The following MAP3K21 variants were observed in gnomAD, a reference collection of about 807,000 sequenced individuals.
The protein encoded by MAP3K21 is mitogen-activated protein kinase kinase kinase MLK4.
Under a neutral mutation model 86.1 loss-of-function variants are expected in MAP3K21, and 63 were observed. The observed-to-expected ratio is 0.73, with a 90% confidence interval of 0.60 to 0.90. The LOEUF (loss-of-function observed/expected upper bound fraction) is 0.90. Ranked by LOEUF, MAP3K21 falls within the 40% of genes least tolerant of loss-of-function variation. MAP3K21 has a pLI of 0.00. For missense variants in MAP3K21, 1,220 were observed against 1,367.7 expected (o/e 0.89, Z 1.70); for synonymous variants, 558 against 564.8 (o/e 0.99, Z 0.17).
chr1:233,367,927 T>G (rs1663610072), intron 5 of MAP3K21, among the ~76,000 whole-genome samples: 1 of 152,114 alleles, frequency 6.6e-6, no homozygotes, highest in African/African-American at 2.4e-5. Context: ...AGTGGAAGTA[T>G]TTAGGTGTTT....
At chr1:233,368,559 A>G (rs1294251) in intron 5 of MAP3K21, among the ~76,000 whole-genome samples, 120,678 of 152,008 alleles carry the variant, frequency 0.79, 48,037 homozygotes, top group East Asian at 1. Flanking sequence ...GAAGGCTGAG[A>G]CAGGAAAATT....
chr1:233,385,114 T>A lies in MAP3K21; in HGVS notation c.*2403T>A, dbSNP rs201791109. 1.3e-5 allele frequency: 2 copies of A among 152,266 alleles called. No individual in the cohort carries two copies. The highest frequency in any genetic ancestry group is 1.9e-4 in the East Asian group (1 of 5,200). 9.4% of individuals were successfully genotyped at this position (152,266 alleles called of 1,614,324 possible). On this transcript the variant is annotated 3_prime_UTR_variant, in exon 10 of 10. Transcript: ENST00000366624. Reference sequence around the variant, plus strand: ...TGTTTACATATGTTGTCTATTTTTTTAATAAACTTTTATAGCTGGTCTATT... The same window carrying A: ...TGTTTACATATGTTGTCTATTTTTTAAATAAACTTTTATAGCTGGTCTATT...
chr1:233,329,431 A>G (rs1183156866), intron 1 of MAP3K21, among the ~76,000 whole-genome samples: 1 of 152,130 alleles, frequency 6.6e-6, no homozygotes, highest in Non-Finnish European at 1.5e-5. Context: ...AGGTGGGCGG[A>G]TCACCTGAGG....
intron 2 of MAP3K21, among the ~76,000 whole-genome samples, chr1:233,353,248 A>G (rs1174417805): frequency 6.6e-6 from 1 of 152,178 alleles, no homozygotes; most frequent in East Asian, 1.9e-4. Flanking sequence ...TCTGTTCTTT[A>G]CTGTTCAGCA....
rs764234299 is a variant in MAP3K21, at chr1:233,362,081, C to T, written c.1340C>T (p.Thr447Ile). ...KELRSREEEL[T>I]RAALQQKSQE... ...CTGCGATCCCGGGAAGAGGAGCTGA[C>T]TCGGGCGGCTCTGCAGCAGAAGTCT... The change falls in exon 5 of 10, where the codon ACT becomes ATT. Residue 447 changes from threonine to isoleucine, a missense_variant. Physicochemically the swap from Thr to Ile is moderately conservative, Grantham distance 89 (BLOSUM62 -1). This residue lies in a region of MAP3K21 where 126 missense variants were observed against 127.7 expected (regional missense o/e 0.99). Transcript: ENST00000366624. 3.1e-6 allele frequency: 5 copies of T among 1,612,838 alleles called. No individual in the cohort carries two copies. Among genetic ancestry groups the T allele is most frequent in the Non-Finnish European group, 4.2e-6 (5 of 1,179,448 alleles).
chr1:233,384,634 T>G lies in MAP3K21; in HGVS notation c.*1923T>G, dbSNP rs977041578. 3.9e-5 allele frequency: 6 copies of G among 152,196 alleles called. No individual in the cohort carries two copies. The highest frequency in any genetic ancestry group is 1.4e-4 in the African/African-American group (6 of 41,450). The allele number at this position is 152,196 out of a possible 1,614,324, so 9.4% of individuals were successfully genotyped here. ...AGGATGGAAACTATGTCCTCAGTTTTACTTCTACCAAAACATCCCTGTATG... is the reference window on the plus strand; with the variant it reads ...AGGATGGAAACTATGTCCTCAGTTTGACTTCTACCAAAACATCCCTGTATG... On this transcript the variant is annotated 3_prime_UTR_variant, in exon 10 of 10. Coordinates refer to ENST00000366624, the MANE Select transcript of MAP3K21 (RefSeq NM_032435.3).
At chr1:233,330,432 T>A (rs1178864407) in intron 1 of MAP3K21, among the ~76,000 whole-genome samples, 1 of 152,206 alleles carries the variant, frequency 6.6e-6, no homozygotes, top group Non-Finnish European at 1.5e-5. Context: ...TTTCTTTCGA[T>A]AATATATATA....
At chr1:233,347,570 A>C (rs6664661) in intron 2 of MAP3K21, among the ~76,000 whole-genome samples, 4 of 152,314 alleles carry the variant, frequency 2.6e-5, no homozygotes, top group Non-Finnish European at 5.9e-5. Flanking sequence ...GAGTGGAATC[A>C]CGTCCTTTGC....
intron 2 of MAP3K21, among the ~76,000 whole-genome samples, chr1:233,349,156 G>A (rs915515669): frequency 3.3e-5 from 5 of 152,150 alleles, no homozygotes; most frequent in African/African-American, 1.2e-4. Context: ...CTGTCTACTG[G>A]TGAAGGCTGA....
chr1:233,338,973 A>G (rs1368583790), intron 1 of MAP3K21, among the ~76,000 whole-genome samples: 3 of 152,216 alleles, frequency 2.0e-5, no homozygotes, highest in Non-Finnish European at 4.4e-5. Flanking sequence ...TAAATAAGAA[A>G]AAACTAGACA....
chr1:233,350,160 AC>A (rs1296308145), intron 2 of MAP3K21, among the ~76,000 whole-genome samples: 1 of 152,134 alleles, frequency 6.6e-6, no homozygotes, highest in Non-Finnish European at 1.5e-5. Context: ...TCTCTAGATT[AC>A]TTATTATTAC....
At chr1:233,345,991 A>G (rs983812780) in intron 1 of MAP3K21, among the ~76,000 whole-genome samples, 1 of 152,202 alleles carries the variant, frequency 6.6e-6, no homozygotes, top group Non-Finnish European at 1.5e-5. Context: ...ATCTATAAGC[A>G]CTTTGCAAAT....
intron 4 of MAP3K21, among the ~76,000 whole-genome samples, chr1:233,358,175 A>AC (rs1663400509): frequency 6.6e-6 from 1 of 151,530 alleles, no homozygotes; most frequent in Non-Finnish European, 1.5e-5. Context: ...TGTGTCCCTC[A>AC]GGGCTTGGGC....
intron 5 of MAP3K21, among the ~76,000 whole-genome samples, chr1:233,370,848 G>A (rs558155526): frequency 2.6e-5 from 4 of 152,230 alleles, no homozygotes; most frequent in South Asian, 4.2e-4. Context: ...TTCTCCAGAC[G>A]GAAGTTATTT....
chr1:233,364,987 C>T (rs1273214142), intron 5 of MAP3K21, among the ~76,000 whole-genome samples: 1 of 152,074 alleles, frequency 6.6e-6, no homozygotes, highest in Non-Finnish European at 1.5e-5. Flanking sequence ...CACACATGCA[C>T]GCATATTTAC....
In MAP3K21 at chr1:233,379,145, C is replaced by T. The variant is rs772584517; in HGVS notation, c.2139C>T (p.Ser713=). ...CTCCTACGAATAGTCTGAGTAGATC[C>T]CCCCAGAGAAAGAAAACGGAGTCAG... ...EMTPTNSLSR[S]PQRKKTESAL... is the part of the protein sequence containing the mutation. Residue 713 remains serine, a synonymous_variant, in exon 9 of 10, where the codon TCC becomes TCT. Transcript: ENST00000366624. 2.5e-6 allele frequency: 4 copies of T among 1,614,132 alleles called. No individual in the cohort carries two copies. Among genetic ancestry groups the T allele is most frequent in the African/African-American group, 2.7e-5 (2 of 75,050 alleles).
chr1:233,339,630 G>A (rs1662998630), intron 1 of MAP3K21, among the ~76,000 whole-genome samples: 1 of 151,762 alleles, frequency 6.6e-6, no homozygotes, highest in Non-Finnish European at 1.5e-5. Flanking sequence ...ATATAGGCGA[G>A]TACCATGATG....
At chr1:233,337,825 A>G (rs1401621160) in intron 1 of MAP3K21, among the ~76,000 whole-genome samples, 1 of 152,160 alleles carries the variant, frequency 6.6e-6, no homozygotes, top group Admixed American at 6.5e-5. Context: ...TGCATTTTTT[A>G]AGCTATTGGA....
intron 1 of MAP3K21, among the ~76,000 whole-genome samples, chr1:233,339,407 C>CCTCCTCTTCCTTCTCCTCCTCCTT (rs1662991539): frequency 1.8e-4 from 7 of 38,414 alleles, no homozygotes; most frequent in Non-Finnish European, 2.8e-4. Context: ...TTCTCCTCCT[C>CCTCCTCTTCCTTCTCCTCCTCCTT]CTCCTCCTCC....
Sources: gnomAD v4.1 joint callset for allele counts (sites outside exome capture counted in the v4.1 genomes callset) on GRCh38, gnomAD v4.1.1 for gene constraint, gnomAD v4.1.1 regional missense constraint, MANE v1.5 for transcripts, NCBI Gene and HGNC (gene_info 2026-07-23, HGNC 2026-07-21) for gene names.